CRACD: variants seen among roughly 807,000 people sequenced by gnomAD.
CRACD encodes the protein capping protein inhibiting regulator of actin dynamics, also known as capping protein-inhibiting regulator of actin dynamics.
A neutral mutation model predicts 106.8 loss-of-function variants in CRACD; 56 were observed. The ratio of observed to expected loss-of-function variants is 0.52; its 90% CI spans 0.42 to 0.66. The LOEUF (loss-of-function observed/expected upper bound fraction) is 0.66. Among genes scored for constraint, CRACD ranks in the 30% least tolerant of loss-of-function variants. CRACD has a pLI of 0.00. For synonymous variants in CRACD, 754 were observed against 670.8 expected, an observed-to-expected ratio of 1.12 and a Z score of -1.92; for missense variants, 1,730 against 1,623.2, an observed-to-expected ratio of 1.07 and a Z score of -1.13.
chr4:56,226,492 T>C (rs1395734519), intron 2 of CRACD, among the ~76,000 whole-genome samples: 1 of 152,186 alleles, frequency 6.6e-6, no homozygotes, highest in Admixed American at 6.5e-5. Context: ...TATAGTGCAA[T>C]AAATTTCATT....
In CRACD at chr4:56,316,588, G is replaced by A. The variant is rs1417819262; in HGVS notation, c.3086G>A (p.Arg1029Lys). The A allele has an allele frequency of 1.9e-6, 3 of 1,613,334 alleles. No individual in the cohort carries two copies. Among genetic ancestry groups the A allele is most frequent in the Non-Finnish European group, 2.5e-6 (3 of 1,179,724 alleles). The change falls in exon 8 of 11, where the codon AGG becomes AAG. Residue 1029 changes from arginine to lysine, a missense_variant. Physicochemically the swap from Arg to Lys is conservative, Grantham distance 26. This residue lies in a region of CRACD where 1,620 missense variants were observed against 1,481.6 expected (regional missense o/e 1.09). Transcript: ENST00000682029. ...PGPEERKGQK[R>K]DEEEEATERK... The stretch of plus-strand genomic sequence containing the variant: ...CCCGAGGAAAGGAAGGGACAGAAGA[G>A]GGACGAGGAGGAAGAGGCGACAGAG...
chr4:56,249,738 C>T (rs1033061559), intron 2 of CRACD, among the ~76,000 whole-genome samples: 1 of 152,148 alleles, frequency 6.6e-6, no homozygotes, highest in Non-Finnish European at 1.5e-5. Flanking sequence ...CACCCACCTG[C>T]CGAGTTTTGT....
intron 1 of CRACD, among the ~76,000 whole-genome samples, chr4:56,098,902 T>TGACCTCAGGTGATCTCCC (rs1459228896): frequency 1.3e-5 from 2 of 152,210 alleles, no homozygotes; most frequent in Non-Finnish European, 2.9e-5. Context: ...CTTGAACTCC[T>TGACCTCAGGTGATCTCCC]GACCTCAGGT....
At chr4:56,186,734 A>G (rs1737109344) in intron 2 of CRACD, among the ~76,000 whole-genome samples, 1 of 152,122 alleles carries the variant, frequency 6.6e-6, no homozygotes, top group Admixed American at 6.6e-5. Flanking sequence ...AAGTAGTTGT[A>G]TCTTGTCTGT....
At chr4:56,151,513 A>G (rs1373495967) in intron 1 of CRACD, among the ~76,000 whole-genome samples, 1 of 152,092 alleles carries the variant, frequency 6.6e-6, no homozygotes, top group Admixed American at 6.6e-5. Context: ...ATCTTAGAAT[A>G]GTTTGTGTTT....
intron 3 of CRACD, among the ~76,000 whole-genome samples, chr4:56,294,491 C>T (rs1292997000): frequency 6.6e-6 from 1 of 152,090 alleles, no homozygotes; most frequent in Non-Finnish European, 1.5e-5. Flanking sequence ...GATATAAATA[C>T]ATGAGGAGTC....
chr4:56,326,252 A>T (rs1163233523), intron 10 of CRACD, among the ~76,000 whole-genome samples: 1 of 126,382 alleles, frequency 7.9e-6, no homozygotes, highest in African/African-American at 2.8e-5. Flanking sequence ...ATGCTGTGTA[A>T]TTTCTTAAGA....
chr4:56,209,608 T>C (rs1738299121), intron 2 of CRACD, among the ~76,000 whole-genome samples: 1 of 152,152 alleles, frequency 6.6e-6, no homozygotes, highest in African/African-American at 2.4e-5. Flanking sequence ...GAAAGATGTT[T>C]CTTCCTATAT....
intron 1 of CRACD, among the ~76,000 whole-genome samples, chr4:56,070,330 C>G (rs536089143): frequency 7.0e-6 from 1 of 142,322 alleles, no homozygotes; most frequent in African/African-American, 2.7e-5. Flanking sequence ...GACGGAGTCT[C>G]GCTCTGTCGC....
intron 1 of CRACD, among the ~76,000 whole-genome samples, chr4:56,157,472 G>T (rs11133426): frequency 0.43 from 64,623 of 151,952 alleles, 14,335 homozygotes; most frequent in African/African-American, 0.54. Context: ...AATGGATGAG[G>T]GTCTACACTC....
At chr4:56,282,273 A>C (rs1743080246) in intron 3 of CRACD, among the ~76,000 whole-genome samples, 1 of 152,136 alleles carries the variant, frequency 6.6e-6, no homozygotes, top group Non-Finnish European at 1.5e-5. Context: ...TATGGTCCCA[A>C]ATTACATGAT....
intron 2 of CRACD, among the ~76,000 whole-genome samples, chr4:56,180,660 T>C (rs1736783293): frequency 6.6e-6 from 1 of 152,228 alleles, no homozygotes; most frequent in African/African-American, 2.4e-5. Flanking sequence ...CTATCAACAG[T>C]GACCTATTAC....
chr4:56,214,673 C>CTATATATA (rs1259862155), intron 2 of CRACD, among the ~76,000 whole-genome samples: 2 of 72,952 alleles, frequency 2.7e-5, no homozygotes, highest in African/African-American at 9.8e-5. Flanking sequence ...CTCTCTCTCT[C>CTATATATA]TCTCTCTCTA....
At chr4:56,296,162 T>C (rs1263247795) in intron 3 of CRACD, among the ~76,000 whole-genome samples, 4 of 152,296 alleles carry the variant, frequency 2.6e-5, no homozygotes, top group African/African-American at 7.2e-5. Context: ...CTTTAAAATA[T>C]GGCAGCTGGC....
intron 1 of CRACD, among the ~76,000 whole-genome samples, chr4:56,081,299 C>T (rs1733015175): frequency 6.6e-6 from 1 of 152,124 alleles, no homozygotes; most frequent in Non-Finnish European, 1.5e-5. Context: ...CCATATGACA[C>T]CCAGAAATAC....
At chr4:56,079,538 T>C (rs1404984021) in intron 1 of CRACD, among the ~76,000 whole-genome samples, 1 of 151,898 alleles carries the variant, frequency 6.6e-6, no homozygotes, top group Non-Finnish European at 1.5e-5. Flanking sequence ...CTCTGCCTCC[T>C]GCGTTCAAAT....
At chr4:56,130,454 C>A (rs1693755868) in intron 1 of CRACD, among the ~76,000 whole-genome samples, 2 of 151,846 alleles carry the variant, frequency 1.3e-5, no homozygotes, top group Admixed American at 1.3e-4. Flanking sequence ...ATTCTTATTC[C>A]AATATTGGCT....
At chr4:56,173,519 T>C (rs1376991391) in intron 1 of CRACD, among the ~76,000 whole-genome samples, 1 of 152,248 alleles carries the variant, frequency 6.6e-6, no homozygotes, top group African/African-American at 2.4e-5. Context: ...GACACCTCGC[T>C]ATATTAAATA....
intron 2 of CRACD, among the ~76,000 whole-genome samples, chr4:56,182,245 CT>C (rs1444462047): frequency 6.6e-6 from 1 of 152,044 alleles, no homozygotes; most frequent in Non-Finnish European, 1.5e-5. Flanking sequence ...AGCTGTGTGC[CT>C]GTGATCCCAG....
Sources: gnomAD v4.1 joint callset for allele counts (sites outside exome capture counted in the v4.1 genomes callset) on GRCh38, gnomAD v4.1.1 for gene constraint, gnomAD v4.1.1 regional missense constraint, MANE v1.5 for transcripts, NCBI Gene and HGNC (gene_info 2026-07-23, HGNC 2026-07-21) for gene names.